HCRTR1: variants seen among roughly 807,000 people sequenced by gnomAD.
The protein encoded by HCRTR1 is hypocretin receptor 1.
HCRTR1 carries 28 observed loss-of-function variants against 40.6 expected under a neutral mutation model. That is an observed-to-expected ratio of 0.69 (90% CI 0.51 to 0.95). HCRTR1 has a LOEUF of 0.95. Ranked by LOEUF, HCRTR1 falls within the 40% of genes least tolerant of loss-of-function variation. The probability of loss-of-function intolerance (pLI) is 0.00; values close to 1 mark genes in which losing one functional copy is unlikely to be tolerated. For missense variants in HCRTR1, 482 were observed against 564.7 expected, an observed-to-expected ratio of 0.85 and a Z score of 1.48; for synonymous variants, 209 against 230.0, an observed-to-expected ratio of 0.91 and a Z score of 0.83.
rs1639962857 is a variant in HCRTR1 at position 31,625,707 on chromosome 1, A to C, written c.1087+589A>C. On this transcript the variant is annotated intron_variant, in intron 8 of 8. Coordinates refer to ENST00000403528, the MANE Select transcript of HCRTR1 (RefSeq NM_001525.3). The surrounding 1 kb of genome is among the most constrained non-coding windows in gnomAD (Gnocchi z 4.2). ...CCAGGCCTCTCCTCTCTGCTGTCCC[A>C]CAGTGCCCACCCCCTCCCTCTACCT... 1.3e-5 allele frequency among the ~76,000 whole-genome samples: 2 copies of C among 150,586 alleles called. No homozygotes were observed. The highest frequency in any genetic ancestry group is 6.6e-5 in the Admixed American group (1 of 15,136).
At chr1:31,620,634 C>G (rs561305526) in intron 4 of HCRTR1, among the ~76,000 whole-genome samples, 1 of 152,220 alleles carries the variant, frequency 6.6e-6, no homozygotes, top group Non-Finnish European at 1.5e-5. Context: ...TTCACTTATT[C>G]GCACAAGAAT....
Position 31,625,030 on chromosome 1 carries a change from C to A in HCRTR1, c.999C>A (p.Arg333=). Residue 333 remains arginine, a synonymous_variant, in exon 8 of 9, where the codon CGC becomes CGA. Transcript: ENST00000403528. This position sits in a 1 kb window ranked among gnomAD's most constrained non-coding sequence, Gnocchi z 4.2. ...VFGMFRQASD[R]EAVYACFTFS... is the part of the protein sequence containing the mutation. ...GGATGTTCCGCCAAGCCAGTGACCG[C>A]GAAGCTGTCTACGCCTGCTTCACCT... 1 of 1,611,306 alleles carries A rather than the reference C, an allele frequency of 6.2e-7. No homozygotes were observed. Among genetic ancestry groups the A allele is most frequent in the Non-Finnish European group, 8.5e-7 (1 of 1,178,238 alleles).
intron 6 of HCRTR1, among the ~76,000 whole-genome samples, chr1:31,622,056 A>G (rs1265002562): frequency 6.6e-6 from 1 of 152,214 alleles, no homozygotes; most frequent in Non-Finnish European, 1.5e-5. Context: ...CTTTGCATCC[A>G]ATGTCTTAAC....
At chr1:31,619,023 C>T in intron 2 of HCRTR1, 28 bp from the exon 3 acceptor site, 1 of 602,036 alleles carries the variant, frequency 1.7e-6, no homozygotes, top group Non-Finnish European at 2.9e-6. Context: ...TCTCTTTTCC[C>T]ACTCCCTCCT....
downstream of HCRTR1, among the ~76,000 whole-genome samples, chr1:31,631,760 A>AT (rs1157142957): frequency 6.6e-6 from 1 of 152,192 alleles, no homozygotes; most frequent in Non-Finnish European, 1.5e-5. Context: ...AGAGTAGGTG[A>AT]TTACTATAGG....
At chr1:31,622,861 CAAAGAT>C (rs199964811) in intron 6 of HCRTR1, among the ~76,000 whole-genome samples, 1,697 of 152,296 alleles carry the variant, frequency 0.011, 7 homozygotes, top group Non-Finnish European at 0.016. Context: ...CCCCTACCCT[CAAAGAT>C]AGTGTTGGAG....
At chr1:31,632,270 G>A (rs1640126367), downstream of HCRTR1, 2 of 768,590 alleles carry the variant, frequency 2.6e-6, no homozygotes, top group Non-Finnish European at 4.5e-6. Context: ...GCACTCCAGG[G>A]TCCAGCCCTG....
intron 7 of HCRTR1, among the ~76,000 whole-genome samples, chr1:31,624,542 T>A (rs961970817): frequency 1.3e-5 from 2 of 151,314 alleles, no homozygotes; most frequent in African/African-American, 4.9e-5. Context: ...CACGTGTCTG[T>A]AGGGACAGCC....
At chr1:31,627,686 G>T (rs1056895878), downstream of HCRTR1, 1 of 278,170 alleles carries the variant, frequency 3.6e-6, no homozygotes. Flanking sequence ...GGGAAGCTGG[G>T]GGGAGGGAAG....
downstream of HCRTR1, among the ~76,000 whole-genome samples, chr1:31,628,716 G>A (rs1209574988): frequency 1.3e-5 from 2 of 152,224 alleles, no homozygotes; most frequent in African/African-American, 4.8e-5. Flanking sequence ...ACCATGGGGG[G>A]CCTCAGCCCT....
chr1:31,626,840 C>CT lies in HCRTR1; in HGVS notation c.1139dup (p.Pro382SerfsTer9), dbSNP rs767840190. On this transcript the variant is annotated frameshift_variant, in exon 9 of 9. Transcript: ENST00000403528. LOFTEE classifies it high-confidence loss of function. The surrounding 1 kb of genome is among the most constrained non-coding windows in gnomAD (Gnocchi z 4.6). ...TGCCTTCTCCTGCTGCCTGCCTGGC[C>CT]TGGGTCCCTGCGGCTCTCTGAAGGC... 6.2e-7 allele frequency: 1 copy of CT among 1,614,162 alleles called. No homozygotes were observed. Among genetic ancestry groups the CT allele is most frequent in the African/African-American group, 1.3e-5 (1 of 75,054 alleles).
At chr1:31,628,830 T>C (rs1313444187), downstream of HCRTR1, among the ~76,000 whole-genome samples, 1 of 152,130 alleles carries the variant, frequency 6.6e-6, no homozygotes, top group Non-Finnish European at 1.5e-5. Flanking sequence ...CCCAGGGCTA[T>C]CTGGCCCAGG....
rs768365681 is a variant in HCRTR1 at position 31,623,631 on chromosome 1, T to C, written c.847T>C (p.Phe283Leu). 1 of 1,613,984 alleles carries C rather than the reference T, an allele frequency of 6.2e-7. No homozygotes were observed. The highest frequency in any genetic ancestry group is 8.5e-7 in the Non-Finnish European group (1 of 1,180,032). ...AGAGCCCCAGCCCCGGGCCCGCGCC[T>C]TCCTGGCTGAAGTGAAGCAGATGCG... is the stretch of plus-strand genomic sequence containing the variant. ...SGEPQPRARA[F>L]LAEVKQMRAR... Residue 283 changes from phenylalanine to leucine, a missense_variant, in exon 7 of 9, where the codon TTC becomes CTC. Physicochemically the swap from Phe to Leu is conservative, Grantham distance 22 (BLOSUM62 0). Transcript: ENST00000403528.
intron 6 of HCRTR1, among the ~76,000 whole-genome samples, chr1:31,621,926 A>C (rs968534077): frequency 2.0e-5 from 3 of 152,208 alleles, no homozygotes; most frequent in African/African-American, 4.8e-5. Flanking sequence ...ACTTCCCCCA[A>C]ACCACTCAGC....
rs1639973983 is a variant in HCRTR1, at chr1:31,626,288, C to T, written c.1088-502C>T. ...TTGGGCAAGCCACTGTACCTCTGTG[C>T]ATCTCATCTGTGAAGTGAGGATAAA... is the stretch of plus-strand genomic sequence containing the variant. On this transcript the variant is annotated intron_variant, in intron 8 of 8. Coordinates refer to ENST00000403528, the MANE Select transcript of HCRTR1 (RefSeq NM_001525.3). This position sits in a 1 kb window ranked among gnomAD's most constrained non-coding sequence, Gnocchi z 4.6. 1.3e-5 allele frequency among the ~76,000 whole-genome samples: 2 copies of T among 152,178 alleles called. No homozygotes were observed. The highest frequency in any genetic ancestry group is 4.8e-5 in the African/African-American group (2 of 41,440).
chr1:31,633,955 C>CA (rs397968805), downstream of HCRTR1, among the ~76,000 whole-genome samples: 3,440 of 103,596 alleles, frequency 0.033, 36 homozygotes, highest in African/African-American at 0.05. Flanking sequence ...AACTCCATCT[C>CA]AAAAAAAAAA....
downstream of HCRTR1, among the ~76,000 whole-genome samples, chr1:31,627,846 A>G (rs1243697578): frequency 6.6e-6 from 1 of 152,134 alleles, no homozygotes; most frequent in East Asian, 1.9e-4. Flanking sequence ...CCTCGACACA[A>G]CTGTCTGCTC....
Position 31,619,229 on chromosome 1 carries a change from G to T in HCRTR1, c.37G>T (p.Val13Phe), listed in dbSNP as rs751534374. ...AGCCACCCCAGGGGCCCAGATGGGG[G>T]TCCCCCCTGGCAGCAGAGAGCCGTC... ...PSATPGAQMG[V>F]PPGSREPSPV... is the part of the protein sequence containing the mutation. Residue 13 changes from valine to phenylalanine, a missense_variant, in exon 3 of 9, where the codon GTC (valine) becomes TTC (phenylalanine). Transcript: ENST00000403528. 1 of 1,613,280 alleles carries T rather than the reference G, an allele frequency of 6.2e-7. No homozygotes were observed. Among genetic ancestry groups the T allele is most frequent in the Non-Finnish European group, 8.5e-7 (1 of 1,180,004 alleles).
chr1:31,621,647 G>T, intron 6 of HCRTR1, 55 bp downstream of exon 6: 3 of 1,258,398 alleles, frequency 2.4e-6, no homozygotes, highest in Non-Finnish European at 3.5e-6. Flanking sequence ...CTGGGGGTGG[G>T]AGGGCTACTG....
Sources: allele counts gnomAD v4.1 joint callset (sites outside exome capture counted in the v4.1 genomes callset), GRCh38; gene constraint gnomAD v4.1.1; non-coding constraint Gnocchi (gnomAD v3.1); transcripts MANE v1.5; gene names NCBI Gene and HGNC (gene_info 2026-07-23, HGNC 2026-07-21).